The following KLB variants were observed in gnomAD, a reference collection of about 807,000 sequenced individuals.
KLB encodes klotho beta.
In KLB, 44 loss-of-function variants were observed where a neutral mutation model predicts 88.4. That is an observed-to-expected ratio of 0.50 (90% CI 0.39 to 0.64). The LOEUF is 0.64. Ranked by LOEUF, KLB falls within the 30% of genes least tolerant of loss-of-function variation. The pLI is 0.00. For missense variants in KLB, 1,137 were observed against 1,304.8 expected (o/e 0.87, Z 1.98); for synonymous variants, 548 against 513.4 (o/e 1.07, Z -0.91).
intron 3 of KLB, 107 bp downstream of exon 3, chr4:39,438,102 C>T: frequency 1.0e-6 from 1 of 994,930 alleles, no homozygotes; most frequent in Non-Finnish European, 1.5e-6. Flanking sequence ...TCAAATACCA[C>T]AATTGTATGG....
rs375388174 is a variant in KLB at position 39,447,030 on chromosome 4, G to C, written c.2304G>C (p.Glu768Asp). ...CGGCCGAGCGCTTCCTGCAGTTCGA[G>C]ATCGCCTGGTTCGCCGAGCCGCTCT... ...WRAAERFLQF[E>D]IAWFAEPLFK... Residue 768 changes from glutamate (E) to aspartate (D), a missense_variant, in exon 4 of 5, where the codon GAG becomes GAC. Around this residue, in one of 4 missense-constraint regions of KLB, gnomAD observed 426 missense variants for 404.6 expected, o/e 1.05. Transcript: ENST00000257408. 388 of 1,611,568 alleles carry C rather than the reference G, an allele frequency of 2.4e-4. No homozygotes were observed. The highest frequency in any genetic ancestry group is 3.0e-4 in the Non-Finnish European group (357 of 1,179,970).
At chr4:39,442,382 A>C (rs1229919538) in intron 3 of KLB, among the ~76,000 whole-genome samples, 1 of 151,862 alleles carries the variant, frequency 6.6e-6, no homozygotes, top group Non-Finnish European at 1.5e-5. Flanking sequence ...CTTCATCAAG[A>C]CTGACTGACT....
At chr4:39,429,064 A>G (rs1480053703) in intron 1 of KLB, among the ~76,000 whole-genome samples, 1 of 152,208 alleles carries the variant, frequency 6.6e-6, no homozygotes, top group Non-Finnish European at 1.5e-5. Context: ...GAACACAGAA[A>G]TATAAACCTA....
chr4:39,424,415 T>A (rs1743152482), intron 1 of KLB, among the ~76,000 whole-genome samples: 1 of 151,520 alleles, frequency 6.6e-6, no homozygotes. Context: ...CTAAAGTCTC[T>A]TTAGGGAATT....
intron 1 of KLB, among the ~76,000 whole-genome samples, chr4:39,426,310 G>A (rs967878438): frequency 6.7e-6 from 1 of 149,904 alleles, no homozygotes; most frequent in Non-Finnish European, 1.5e-5. Context: ...AGCTACTCAG[G>A]AGGCTGAGGC....
chr4:39,408,423 G>A lies in KLB; in HGVS notation c.825+649G>A, dbSNP rs560255779. Among the ~76,000 whole-genome samples the A allele has an allele frequency of 3.9e-5, 6 of 152,208 alleles. No individual in the cohort carries two copies. In the South Asian group the frequency reaches 1.0e-3, roughly 26 times the overall value. On this transcript the variant is annotated intron_variant, in intron 1 of 4. Transcript: ENST00000257408. Reference sequence around the variant, plus strand: ...TATTTCAAAAGCTAGAGATAATGTTGAGAAATGTTAAAATTAGTAAAACAA... The same window carrying A: ...TATTTCAAAAGCTAGAGATAATGTTAAGAAATGTTAAAATTAGTAAAACAA...
In KLB at chr4:39,407,407, T is replaced by C. The variant is rs781737047; in HGVS notation, c.458T>C (p.Ile153Thr). 4.3e-6 allele frequency: 7 copies of C among 1,613,736 alleles called. No individual in the cohort carries two copies. Among genetic ancestry groups the C allele is most frequent in the Non-Finnish European group, 5.9e-6 (7 of 1,179,934 alleles). ...GGAGTTTCTTTTTATCAATTTTCAATTTCCTGGCCAAGGCTTTTCCCCGAT... is the reference window on the plus strand; with the variant it reads ...GGAGTTTCTTTTTATCAATTTTCAACTTCCTGGCCAAGGCTTTTCCCCGAT... Reference protein sequence around the residue: ...FIGVSFYQFSISWPRLFPDGI... With the variant: ...FIGVSFYQFSTSWPRLFPDGI... Residue 153 changes from isoleucine to threonine, a missense_variant, in exon 1 of 5, where the codon ATT becomes ACT. Physicochemically the swap from Ile to Thr is moderately conservative, Grantham distance 89. This residue lies in a region of KLB where 597 missense variants were observed against 765.2 expected (regional missense o/e 0.78). Coordinates refer to ENST00000257408, the MANE Select transcript of KLB (RefSeq NM_175737.4).
intron 1 of KLB, among the ~76,000 whole-genome samples, chr4:39,409,233 T>C (rs573741422): frequency 6.6e-6 from 1 of 152,172 alleles, no homozygotes; most frequent in South Asian, 2.1e-4. Flanking sequence ...TATTTAACAG[T>C]TATCAAGATT....
At chr4:39,420,402 G>T (rs1743056650) in intron 1 of KLB, among the ~76,000 whole-genome samples, 1 of 152,194 alleles carries the variant, frequency 6.6e-6, no homozygotes, top group African/African-American at 2.4e-5. Flanking sequence ...ATGAAATTCA[G>T]AGTAGCTGAA....
In KLB at chr4:39,446,252, T is replaced by G; in HGVS notation, c.1606-80T>G. 2 of 1,329,322 alleles carry G rather than the reference T, an allele frequency of 1.5e-6. No homozygotes were observed. Among genetic ancestry groups the G allele is most frequent in the Non-Finnish European group, 2.1e-6 (2 of 966,184 alleles). The allele number at this position is 1,329,322 out of a possible 1,614,324, so 82.3% of individuals were successfully genotyped here. A position where few individuals can be genotyped will look rare whatever the true frequency, so the allele number is the denominator to read the frequency against. On this transcript the variant is annotated intron_variant, in intron 3 of 4. Transcript: ENST00000257408. The surrounding 1 kb of genome is among the most constrained non-coding windows in gnomAD (Gnocchi z 6.4). ...CGTGGTGGCCTGTAATCCCAGCACT[T>G]TGGGAGGCAGAGGTAGGCAGATCAC...
intron 2 of KLB, among the ~76,000 whole-genome samples, chr4:39,435,646 G>C (rs983966113): frequency 1.3e-5 from 2 of 151,000 alleles, no homozygotes; most frequent in Non-Finnish European, 3.0e-5. Flanking sequence ...GGTTGGTCTC[G>C]AACTCCTGAC....
chr4:39,425,192 A>C (rs1395778458), intron 1 of KLB, among the ~76,000 whole-genome samples: 1 of 152,226 alleles, frequency 6.6e-6, no homozygotes, highest in Non-Finnish European at 1.5e-5. Context: ...TTTCTAATAG[A>C]GGGAAACTAG....
intron 1 of KLB, among the ~76,000 whole-genome samples, chr4:39,417,177 T>C (rs1742981730): frequency 6.6e-6 from 1 of 152,112 alleles, no homozygotes; most frequent in Non-Finnish European, 1.5e-5. Context: ...TGCTAAGTCT[T>C]ATAGCTAAAA....
At chr4:39,426,256 A>AG (rs1743210818) in intron 1 of KLB, among the ~76,000 whole-genome samples, 2 of 151,102 alleles carry the variant, frequency 1.3e-5, no homozygotes, top group Non-Finnish European at 3.0e-5. Context: ...CATCTCAAAA[A>AG]AAAAAAAAAT....
chr4:39,409,194 A>C (rs971589002), intron 1 of KLB, among the ~76,000 whole-genome samples: 1 of 152,140 alleles, frequency 6.6e-6, no homozygotes, highest in Non-Finnish European at 1.5e-5. Flanking sequence ...TTGACAAAAT[A>C]AGACCTTAAA....
intron 1 of KLB, among the ~76,000 whole-genome samples, chr4:39,424,252 G>A (rs1402969334): frequency 6.6e-6 from 1 of 151,534 alleles, no homozygotes; most frequent in East Asian, 1.9e-4. Context: ...TGTATTTTTT[G>A]TAGAGACGAG....
rs1743433721 is a variant in KLB at position 39,434,725 on chromosome 4, G to A, written c.1336+5G>A. 1 of 1,581,004 alleles carries A rather than the reference G, an allele frequency of 6.3e-7. No individual in the cohort carries two copies. Among genetic ancestry groups the A allele is most frequent in the Non-Finnish European group, 8.6e-7 (1 of 1,167,486 alleles). On this transcript the variant is annotated splice_donor_5th_base_variant and intron_variant, in intron 2 of 4. Coordinates refer to ENST00000257408, the MANE Select transcript of KLB (RefSeq NM_175737.4). Reference sequence around the variant, plus strand: ...TCCTCAGCCAGGTGCTTCAAGGTTGGTTGTACACTTGCTTAATTTTTTAAA... The same window carrying A: ...TCCTCAGCCAGGTGCTTCAAGGTTGATTGTACACTTGCTTAATTTTTTAAA...
chr4:39,417,276 T>C (rs1374540315), intron 1 of KLB, among the ~76,000 whole-genome samples: 6 of 152,078 alleles, frequency 3.9e-5, no homozygotes, highest in African/African-American at 7.2e-5. Context: ...CTTCCACCAC[T>C]TTCCCCTCCC....
At chr4:39,421,764 A>G (rs1222400852) in intron 1 of KLB, among the ~76,000 whole-genome samples, 1 of 151,982 alleles carries the variant, frequency 6.6e-6, no homozygotes, top group Non-Finnish European at 1.5e-5. Flanking sequence ...AAAAAAAAAA[A>G]AAGACAAGGT....
Sources: allele counts gnomAD v4.1 joint callset (sites outside exome capture counted in the v4.1 genomes callset), GRCh38; gene constraint gnomAD v4.1.1; regional missense constraint gnomAD v4.1.1; non-coding constraint Gnocchi (gnomAD v3.1); transcripts MANE v1.5; gene names NCBI Gene and HGNC (gene_info 2026-07-23, HGNC 2026-07-21).